RYR2: variants seen among roughly 807,000 people sequenced by gnomAD.
RYR2 encodes ryanodine receptor 2.
Under a neutral mutation model 601.1 loss-of-function variants are expected in RYR2, and 227 were observed. The ratio of observed to expected loss-of-function variants is 0.38; its 90% CI spans 0.34 to 0.42. The LOEUF (loss-of-function observed/expected upper bound fraction) is 0.42. RYR2 is among the 10% of genes least tolerant of loss of function. The pLI, the probability that RYR2 is intolerant of heterozygous loss-of-function variation, is 1.00. For synonymous variants in RYR2, 2,223 were observed against 2,175.1 expected (o/e 1.02, Z -0.61); for missense variants, 4,646 against 6,156.5 (o/e 0.75, Z 8.21).
chr1:237,262,617 C>T (rs1558517384), intron 1 of RYR2, among the ~76,000 whole-genome samples: 1 of 152,136 alleles, frequency 6.6e-6, no homozygotes, highest in Non-Finnish European at 1.5e-5. Context: ...ATTGACTGAA[C>T]ATTTTCTATG....
chr1:237,791,713 A>G (rs900945229), intron 93 of RYR2, 198 bp downstream of exon 93: 4 of 579,384 alleles, frequency 6.9e-6, no homozygotes, highest in African/African-American at 5.6e-5. Flanking sequence ...AAATGCCTCA[A>G]CTGAAGGGCA....
intron 24 of RYR2, among the ~76,000 whole-genome samples, chr1:237,524,634 A>G (rs765685910): frequency 1.3e-5 from 2 of 152,088 alleles, no homozygotes; most frequent in Non-Finnish European, 2.9e-5. Flanking sequence ...ATAGCATATG[A>G]GGCCCTCACT....
intron 35 of RYR2, among the ~76,000 whole-genome samples, chr1:237,609,350 C>A (rs1441235707): frequency 1.5e-5 from 2 of 133,056 alleles, no homozygotes; most frequent in Non-Finnish European, 3.2e-5. Flanking sequence ...ATCCCTCCCT[C>A]CCCCCTTCTC....
intron 3 of RYR2, chr1:237,352,714 G>A (rs1016262094): frequency 2.9e-5 from 7 of 237,658 alleles, no homozygotes; most frequent in East Asian, 2.1e-4. Flanking sequence ...CAATAAGACC[G>A]TTGGGTATTA....
chr1:237,369,459 G>T (rs1700466598), intron 5 of RYR2, 75 bp from the exon 6 acceptor site: 1 of 1,236,916 alleles, frequency 8.1e-7, no homozygotes, highest in Non-Finnish European at 1.2e-6. Flanking sequence ...GAGCAAGAGA[G>T]TATTTTATCA....
chr1:237,346,583 T>G (rs1370482826), intron 3 of RYR2, among the ~76,000 whole-genome samples: 1 of 152,174 alleles, frequency 6.6e-6, no homozygotes, highest in East Asian at 1.9e-4. Flanking sequence ...GTATGTGTGT[T>G]AGTGTATGAG....
rs569956872 is a variant in RYR2 at position 237,195,288 on chromosome 1, G to T, written c.49-75209G>T. ...GGCACTTAGCAATAACCAGTCGCTC[G>T]TGTTGCCCAAACTGGAGTGCAATGA... On this transcript the variant is annotated intron_variant, in intron 1 of 104. Coordinates refer to ENST00000366574, the MANE Select transcript of RYR2 (RefSeq NM_001035.3). Among the ~76,000 whole-genome samples, 3 of 152,200 alleles carry T rather than the reference G, an allele frequency of 2.0e-5. No homozygotes were observed. In the South Asian group the frequency reaches 6.2e-4, roughly 32 times the overall value.
At chr1:237,149,530 ATAGG>A in intron 1 of RYR2, among the ~76,000 whole-genome samples, 1 of 152,292 alleles carries the variant, frequency 6.6e-6, no homozygotes, top group Non-Finnish European at 1.5e-5. Flanking sequence ...AGGATTAACC[ATAGG>A]TAGCATTCCA....
intron 5 of RYR2, among the ~76,000 whole-genome samples, chr1:237,368,320 A>G (rs1008600405): frequency 6.6e-6 from 1 of 152,218 alleles, no homozygotes; most frequent in African/African-American, 2.4e-5. Flanking sequence ...CACTAATAGA[A>G]AAAAACTACT....
intron 25 of RYR2, 143 bp from the exon 26 acceptor site, chr1:237,548,288 A>C: frequency 1.4e-6 from 1 of 737,018 alleles, no homozygotes; most frequent in Non-Finnish European, 2.2e-6. Context: ...AAAGGAACCT[A>C]GGCTTGCTGT....
At chr1:237,043,935 C>G (rs897514099) in intron 1 of RYR2, among the ~76,000 whole-genome samples, 27 of 152,196 alleles carry the variant, frequency 1.8e-4, no homozygotes, top group African/African-American at 6.5e-4. Flanking sequence ...ACGACTGTCT[C>G]TTTCTCTTTT....
chr1:237,310,727 C>T (rs535044449), intron 2 of RYR2, among the ~76,000 whole-genome samples: 7 of 152,244 alleles, frequency 4.6e-5, no homozygotes, highest in African/African-American at 1.4e-4. Context: ...TGAGTCCTGT[C>T]TCAGATACTT....
At chr1:237,263,935 A>G (rs1393447802) in intron 1 of RYR2, among the ~76,000 whole-genome samples, 1 of 152,088 alleles carries the variant, frequency 6.6e-6, no homozygotes, top group African/African-American at 2.4e-5. Flanking sequence ...AATAAAGGGG[A>G]AAAAATAAGA....
At chr1:237,756,163 G>A in intron 80 of RYR2, 125 bp from the exon 81 acceptor site, 1 of 601,822 alleles carries the variant, frequency 1.7e-6, no homozygotes, top group Non-Finnish European at 3.0e-6. Flanking sequence ...AACATCGTTG[G>A]TGTTGAAATG....
intron 40 of RYR2, among the ~76,000 whole-genome samples, chr1:237,626,594 T>C (rs1409096775): frequency 7.8e-6 from 1 of 127,644 alleles, no homozygotes; most frequent in African/African-American, 3.0e-5. Flanking sequence ...TTTTTTTTTT[T>C]TTTTTTTTTT....
chr1:237,048,838 A>G (rs1660906928), intron 1 of RYR2, among the ~76,000 whole-genome samples: 2 of 152,134 alleles, frequency 1.3e-5, no homozygotes, highest in African/African-American at 4.8e-5. Context: ...TGTGGCAAGG[A>G]GAAGATCGGG....
intron 1 of RYR2, among the ~76,000 whole-genome samples, chr1:237,197,410 C>T (rs757135122): frequency 1.3e-5 from 2 of 152,054 alleles, no homozygotes; most frequent in African/African-American, 2.4e-5. Context: ...CTACTTTCAC[C>T]GAACTTAATT....
chr1:237,584,023 A>T (rs1218091410), intron 29 of RYR2, among the ~76,000 whole-genome samples: 8 of 152,246 alleles, frequency 5.3e-5, no homozygotes, highest in African/African-American at 1.9e-4. Context: ...GATTGGGCTC[A>T]TATGCACTAA....
chr1:237,559,329 G>A (rs1004531366), intron 27 of RYR2, among the ~76,000 whole-genome samples: 7 of 151,940 alleles, frequency 4.6e-5, no homozygotes, highest in East Asian at 1.9e-4. Flanking sequence ...GAAAACCAAC[G>A]GCCCCTCAAT....
Sources: gnomAD v4.1 joint callset for allele counts (sites outside exome capture counted in the v4.1 genomes callset) on GRCh38, gnomAD v4.1.1 for gene constraint, MANE v1.5 for transcripts, NCBI Gene and HGNC (gene_info 2026-07-23, HGNC 2026-07-21) for gene names.